Variants in OPCML observed in about 807,000 individuals in gnomAD.
OPCML encodes opioid-binding protein/cell adhesion molecule.
OPCML carries 13 observed loss-of-function variants against 37.8 expected under a neutral mutation model. That is an observed-to-expected ratio of 0.34 (90% CI 0.22 to 0.55). The LOEUF is 0.55. OPCML is among the 20% of genes least tolerant of loss of function. The pLI is 0.91. For missense variants in OPCML, 341 were observed against 435.6 expected, an observed-to-expected ratio of 0.78 and a Z score of 1.93; for synonymous variants, 176 against 168.8, an observed-to-expected ratio of 1.04 and a Z score of -0.33.
intron 2 of OPCML, among the ~76,000 whole-genome samples, chr11:132,702,994 C>T (rs1255746820): frequency 6.6e-6 from 1 of 151,996 alleles, no homozygotes; most frequent in African/African-American, 2.4e-5. Context: ...GTTTTGTCTT[C>T]TAGATAACTG....
chr11:133,032,446 C>T (rs1947692034), intron 1 of OPCML, among the ~76,000 whole-genome samples: 1 of 152,082 alleles, frequency 6.6e-6, no homozygotes, highest in Non-Finnish European at 1.5e-5. Context: ...ATTCCCTTTG[C>T]AAATCACCAG....
chr11:132,793,389 AT>A (rs1185566667), intron 2 of OPCML, among the ~76,000 whole-genome samples: 4 of 152,216 alleles, frequency 2.6e-5, no homozygotes, highest in African/African-American at 9.7e-5. Flanking sequence ...CCAGTAAAAT[AT>A]TTAAATGGCT....
intron 4 of OPCML, among the ~76,000 whole-genome samples, chr11:132,438,611 T>C (rs2096021131): frequency 6.6e-6 from 1 of 150,506 alleles, no homozygotes; most frequent in South Asian, 2.1e-4. Flanking sequence ...GTGTAGGGTG[T>C]GCAGCAGGAA....
chr11:133,299,882 C>A (rs1361408204), intron 1 of OPCML: 1 of 152,226 alleles, frequency 6.6e-6, no homozygotes, highest in Non-Finnish European at 1.5e-5. Flanking sequence ...ACGACCACCA[C>A]TAACATCAGC....
chr11:132,920,258 A>T (rs1442101669), intron 2 of OPCML, among the ~76,000 whole-genome samples: 1 of 152,186 alleles, frequency 6.6e-6, no homozygotes, highest in East Asian at 1.9e-4. Context: ...TGCTGCAAAG[A>T]CCTGGGAGTC....
chr11:133,499,953 C>T (rs1341460256), intron 1 of OPCML, among the ~76,000 whole-genome samples: 3 of 146,442 alleles, frequency 2.0e-5, no homozygotes, highest in Non-Finnish European at 4.5e-5. Context: ...CTCACTGCAA[C>T]CTCCGCCCCC....
At chr11:133,240,362 A>G (rs1940683278) in intron 1 of OPCML, among the ~76,000 whole-genome samples, 1 of 152,100 alleles carries the variant, frequency 6.6e-6, no homozygotes, top group Non-Finnish European at 1.5e-5. Context: ...TTTCCCCAAG[A>G]CTCAATTGCT....
chr11:133,022,978 C>T (rs775582708), intron 1 of OPCML, among the ~76,000 whole-genome samples: 5 of 152,104 alleles, frequency 3.3e-5, no homozygotes, highest in Non-Finnish European at 5.9e-5. Flanking sequence ...GAAAGGCAGG[C>T]GAATATTTGT....
rs184015095 is a variant in OPCML, at chr11:133,292,259, A to G, written c.61+240005T>C. On this transcript the variant is annotated intron_variant, in intron 1 of 7. Transcript: ENST00000524381. ...AGATCTCTTTTCTCCAAGAGTAATA[A>G]TGCCTTTTCCAGCTCCTGGAAAAGC... 1.4e-4 allele frequency among the ~76,000 whole-genome samples: 21 copies of G among 152,206 alleles called. 1 individual carries two copies. In the East Asian group the frequency reaches 3.9e-3, roughly 28 times the overall value.
intron 5 of OPCML, 36 bp from the exon 6 acceptor site, chr11:132,436,815 G>C: frequency 6.2e-7 from 1 of 1,603,000 alleles, no homozygotes; most frequent in Non-Finnish European, 8.5e-7. Context: ...GCACAGGCAT[G>C]CACGCACGCA....
intron 4 of OPCML, among the ~76,000 whole-genome samples, chr11:132,513,985 T>C (rs949821664): frequency 4.6e-5 from 7 of 152,202 alleles, no homozygotes; most frequent in Non-Finnish European, 1.5e-5. Flanking sequence ...ACTGAACAAG[T>C]GCATGAATAA....
chr11:132,589,706 C>T (rs987524881), intron 3 of OPCML, among the ~76,000 whole-genome samples: 2 of 152,152 alleles, frequency 1.3e-5, no homozygotes, highest in East Asian at 1.9e-4. Context: ...CCTTTGTAAG[C>T]TTAACCCAGG....
chr11:132,844,962 C>A (rs1349855822), intron 2 of OPCML, among the ~76,000 whole-genome samples: 8 of 126,550 alleles, frequency 6.3e-5, no homozygotes, highest in African/African-American at 1.2e-4. Flanking sequence ...AAAAAAAAAA[C>A]CTATTTTTTT....
At chr11:132,718,913 G>A (rs1463179171) in intron 2 of OPCML, among the ~76,000 whole-genome samples, 1 of 152,184 alleles carries the variant, frequency 6.6e-6, no homozygotes, top group Non-Finnish European at 1.5e-5. Flanking sequence ...AGGGCTCCTC[G>A]CCAGATCTCC....
intron 1 of OPCML, among the ~76,000 whole-genome samples, chr11:133,309,568 A>G (rs953710628): frequency 6.6e-6 from 1 of 152,228 alleles, no homozygotes; most frequent in African/African-American, 2.4e-5. Flanking sequence ...AGAACTGAAC[A>G]TGGCATTTAT....
chr11:132,679,316 C>T (rs750184780), intron 2 of OPCML, among the ~76,000 whole-genome samples: 6 of 152,098 alleles, frequency 3.9e-5, no homozygotes, highest in South Asian at 4.1e-4. Flanking sequence ...CAGCATTATT[C>T]ATTATAGACA....
intron 1 of OPCML, among the ~76,000 whole-genome samples, chr11:133,362,359 G>A (rs1201120010): frequency 6.6e-6 from 1 of 152,224 alleles, no homozygotes; most frequent in East Asian, 1.9e-4. Context: ...GAAAGGCCCT[G>A]CTCCTCCTGG....
At chr11:132,873,033 G>A (rs1942869900) in intron 2 of OPCML, among the ~76,000 whole-genome samples, 1 of 151,928 alleles carries the variant, frequency 6.6e-6, no homozygotes, top group African/African-American at 2.4e-5. Context: ...TCAAAACCAT[G>A]CCCAGCATGA....
chr11:133,528,638 A>G (rs1220682113), intron 1 of OPCML, among the ~76,000 whole-genome samples: 2 of 152,214 alleles, frequency 1.3e-5, no homozygotes, highest in East Asian at 1.9e-4. Context: ...GGTGTGTGCT[A>G]GAGAAGGAAG....
Sources: gnomAD v4.1 joint callset for allele counts (sites outside exome capture counted in the v4.1 genomes callset) on GRCh38, gnomAD v4.1.1 for gene constraint, MANE v1.5 for transcripts, NCBI Gene and HGNC (gene_info 2026-07-23, HGNC 2026-07-21) for gene names.